Variants in STAP1 observed in about 807,000 individuals in gnomAD.
STAP1 encodes the protein signal-transducing adaptor protein 1.
A neutral mutation model predicts 37.8 loss-of-function variants in STAP1; 30 were observed. That is an observed-to-expected ratio of 0.79 (90% confidence interval 0.59 to 1.08). STAP1 has a LOEUF of 1.08. STAP1 is among the 50% of genes least tolerant of loss of function. The pLI, the probability that STAP1 is intolerant of heterozygous loss-of-function variation, is 0.00. For missense variants in STAP1, 357 were observed against 349.4 expected, an observed-to-expected ratio of 1.02 and a Z score of -0.17; for synonymous variants, 130 against 116.0, an observed-to-expected ratio of 1.12 and a Z score of -0.78.
chr4:67,565,294 G>C (rs1474854364), intron 1 of STAP1, among the ~76,000 whole-genome samples: 1 of 152,142 alleles, frequency 6.6e-6, no homozygotes. Flanking sequence ...AACTTCTCAA[G>C]CCAGATTTCT....
chr4:67,586,336 A>G (rs1727978713), intron 6 of STAP1, among the ~76,000 whole-genome samples: 1 of 152,194 alleles, frequency 6.6e-6, no homozygotes, highest in East Asian at 1.9e-4. Flanking sequence ...ACGCACCTGT[A>G]ATCCCAGCTA....
In STAP1 at chr4:67,606,232, T is replaced by G. The variant is rs564486536; in HGVS notation, c.827-64T>G. 9.9e-6 allele frequency: 14 copies of G among 1,407,858 alleles called. No homozygotes were observed. In the South Asian group the frequency reaches 1.8e-4, roughly 18 times the overall value. 87.2% of individuals were successfully genotyped at this position (1,407,858 alleles called of 1,614,324 possible). ...AGCAGGAAAATCAACTCACTGAAAA[T>G]AAAGAACCACCGTTTTCTACAATAT... On this transcript the variant is annotated intron_variant, in intron 8 of 8. Transcript: ENST00000265404.
chr4:67,576,804 A>G (rs1041392467), intron 3 of STAP1, among the ~76,000 whole-genome samples: 1 of 152,180 alleles, frequency 6.6e-6, no homozygotes, highest in African/African-American at 2.4e-5. Flanking sequence ...TGGTATTGTT[A>G]TTATTAGTAA....
intron 8 of STAP1, among the ~76,000 whole-genome samples, chr4:67,605,346 C>A (rs1291801376): frequency 1.3e-5 from 2 of 150,860 alleles, no homozygotes; most frequent in African/African-American, 2.4e-5. Flanking sequence ...GACTAGGGGC[C>A]CCACCCTCAG....
chr4:67,580,624 T>C (rs906544735), intron 4 of STAP1, among the ~76,000 whole-genome samples: 2 of 152,180 alleles, frequency 1.3e-5, no homozygotes, highest in South Asian at 2.1e-4. Context: ...ATTCACACTA[T>C]ACCTTCTAAG....
At chr4:67,595,083 C>T (rs1728195864) in intron 8 of STAP1, among the ~76,000 whole-genome samples, 1 of 152,008 alleles carries the variant, frequency 6.6e-6, no homozygotes, top group South Asian at 2.1e-4. Context: ...GAGAACTCTG[C>T]CTAACCTAAA....
chr4:67,587,891 T>C (rs1472593946), intron 6 of STAP1, among the ~76,000 whole-genome samples: 1 of 151,710 alleles, frequency 6.6e-6, no homozygotes, highest in Non-Finnish European at 1.5e-5. Flanking sequence ...TGGCTAATTT[T>C]TTTTGTAGTT....
intron 8 of STAP1, among the ~76,000 whole-genome samples, chr4:67,602,457 A>G (rs1399739112): frequency 6.6e-6 from 1 of 152,076 alleles, no homozygotes; most frequent in African/African-American, 2.4e-5. Context: ...TCTTCACAGT[A>G]TGTGTTTGTT....
intron 8 of STAP1, among the ~76,000 whole-genome samples, chr4:67,597,314 T>G (rs111882342): frequency 2.6e-5 from 4 of 152,318 alleles, no homozygotes; most frequent in South Asian, 2.1e-4. Context: ...AACCTCTGCC[T>G]AGATTTTAGA....
chr4:67,573,629 T>A (rs2109859673), intron 2 of STAP1, among the ~76,000 whole-genome samples: 1 of 152,326 alleles, frequency 6.6e-6, no homozygotes, highest in African/African-American at 2.4e-5. Flanking sequence ...TTTTTAAAAT[T>A]GACATATAAA....
In STAP1 at chr4:67,606,364, A is replaced by G. The variant is rs1387963813; in HGVS notation, c.*7A>G. 1 of 1,607,844 alleles carries G rather than the reference A, an allele frequency of 6.2e-7. No individual in the cohort carries two copies. Among genetic ancestry groups the G allele is most frequent in the Non-Finnish European group, 8.5e-7 (1 of 1,177,492 alleles). ...AAATCCACACATTGCATGAAATACA[A>G]TGTGAAAGCTCCTTTGTATATCTTG... is the stretch of plus-strand genomic sequence containing the variant. On this transcript the variant is annotated 3_prime_UTR_variant, in exon 9 of 9. Transcript: ENST00000265404.
chr4:67,573,063 C>T (rs917979187), intron 2 of STAP1, among the ~76,000 whole-genome samples: 1 of 152,076 alleles, frequency 6.6e-6, no homozygotes, highest in African/African-American at 2.4e-5. Context: ...CTGGGATAGA[C>T]AAGGTGAGAA....
In STAP1 at chr4:67,577,247, T is replaced by A. The variant is rs1560459819; in HGVS notation, c.351T>A (p.Leu117=). ...GGGAAGAATGGAGAGGCTTCATTCT[T>A]ACAGTAACAGAGGTAGGAAGCTCAC... ...ESGEEWRGFI[L]TVTELSVPQN... Residue 117 remains leucine, a synonymous_variant, in exon 4 of 9, where the codon CTT becomes CTA. Transcript: ENST00000265404. 3 of 1,609,140 alleles carry A rather than the reference T, an allele frequency of 1.9e-6. No homozygotes were observed. In the East Asian group the frequency reaches 6.7e-5, roughly 36 times the overall value.
intron 2 of STAP1, among the ~76,000 whole-genome samples, chr4:67,574,661 T>A (rs1727679693): frequency 6.6e-6 from 1 of 152,198 alleles, no homozygotes; most frequent in African/African-American, 2.4e-5. Flanking sequence ...ATGGGCCAAA[T>A]CTGGCCTATG....
chr4:67,558,765 T>C lies in STAP1; in HGVS notation c.-45T>C, dbSNP rs777409715. ...TTCCTCTCACAGAAGGAAGATTTCATTTTGTTTGAGACGAGAAACCAAACC... is the reference window on the plus strand; with the variant it reads ...TTCCTCTCACAGAAGGAAGATTTCACTTTGTTTGAGACGAGAAACCAAACC... On this transcript the variant is annotated 5_prime_UTR_variant, in exon 1 of 9. Transcript: ENST00000265404. The C allele has an allele frequency of 1.3e-6, 2 of 1,581,258 alleles. No individual in the cohort carries two copies. The highest frequency in any genetic ancestry group is 2.3e-5 in the South Asian group (2 of 86,072).
chr4:67,585,886 G>T (rs1241913807), intron 6 of STAP1, among the ~76,000 whole-genome samples: 1 of 152,140 alleles, frequency 6.6e-6, no homozygotes, highest in East Asian at 1.9e-4. Context: ...ACGAAATTGT[G>T]TATGACATAA....
intron 8 of STAP1, among the ~76,000 whole-genome samples, chr4:67,602,585 CTG>C (rs1332157179): frequency 6.6e-6 from 1 of 152,190 alleles, no homozygotes; most frequent in Non-Finnish European, 1.5e-5. Flanking sequence ...CCCAGGAACA[CTG>C]TGACTCTTGA....
intron 1 of STAP1, among the ~76,000 whole-genome samples, chr4:67,568,500 T>C (rs994548906): frequency 6.6e-6 from 1 of 152,224 alleles, no homozygotes; most frequent in Non-Finnish European, 1.5e-5. Context: ...CATTCTTTTG[T>C]AATATAGTCA....
intron 1 of STAP1, among the ~76,000 whole-genome samples, chr4:67,559,411 T>C (rs971219793): frequency 4.6e-5 from 7 of 152,062 alleles, no homozygotes; most frequent in African/African-American, 1.7e-4. Context: ...ATTGTTAAAA[T>C]GACAAAGTTC....
Sources: allele counts gnomAD v4.1 joint callset (sites outside exome capture counted in the v4.1 genomes callset), GRCh38; gene constraint gnomAD v4.1.1; transcripts MANE v1.5; gene names NCBI Gene and HGNC (gene_info 2026-07-23, HGNC 2026-07-21).